The following BICD2 variants were observed in gnomAD, a reference collection of about 807,000 sequenced individuals.
BICD2 encodes protein bicaudal D homolog 2.
A neutral mutation model predicts 72.9 loss-of-function variants in BICD2; 25 were observed. The ratio of observed to expected loss-of-function variants is 0.34; its 90% CI spans 0.25 to 0.48. The LOEUF (loss-of-function observed/expected upper bound fraction) is 0.48. BICD2 is among the 20% of genes least tolerant of loss of function. The probability of loss-of-function intolerance (pLI) is 0.99; values close to 1 mark genes in which losing one functional copy is unlikely to be tolerated. For missense variants in BICD2, 894 were observed against 1,175.2 expected (o/e 0.76, Z 3.50); for synonymous variants, 501 against 516.1 (o/e 0.97, Z 0.40).
Position 92,764,481 on chromosome 9 carries a change from G to T in BICD2, c.240+24C>A, listed in dbSNP as rs1456001301. 1 of 1,468,806 alleles carries T rather than the reference G, an allele frequency of 6.8e-7. No homozygotes were observed. The highest frequency in any genetic ancestry group is 1.3e-5 in the South Asian group (1 of 77,380). 91.0% of individuals were successfully genotyped at this position (1,468,806 alleles called of 1,614,324 possible). The stretch of plus-strand genomic sequence containing the variant: ...CAGGCCCCGGCGCCGGGCGGGGGTC[G>T]CAGGGCAGGGCGGCTCGGCTCACCT... On this transcript the variant is annotated intron_variant, in intron 1 of 6. Transcript: ENST00000356884. This position sits in a 1 kb window ranked among gnomAD's most constrained non-coding sequence, Gnocchi z 5.5.
At chr9:92,717,970 T>C (rs780658966) in intron 5 of BICD2, 22 bp from the exon 6 acceptor site, 4 of 1,607,424 alleles carry the variant, frequency 2.5e-6, no homozygotes, top group African/African-American at 2.7e-5. Context: ...ATGTGTAGGG[T>C]GGAAAAGTGA....
intron 1 of BICD2, among the ~76,000 whole-genome samples, chr9:92,756,550 T>C (rs1854261931): frequency 7.0e-6 from 1 of 142,586 alleles, no homozygotes. Context: ...CGTGAGCCAC[T>C]GCGCCCGGCC....
At chr9:92,751,390 C>G (rs974648661) in intron 1 of BICD2, among the ~76,000 whole-genome samples, 11 of 152,120 alleles carry the variant, frequency 7.2e-5, no homozygotes, top group African/African-American at 2.7e-4. Flanking sequence ...GTGATCTATC[C>G]TCCTTGGCCT....
intron 2 of BICD2, among the ~76,000 whole-genome samples, chr9:92,728,610 C>G (rs928878083): frequency 2.6e-5 from 4 of 152,242 alleles, no homozygotes; most frequent in Admixed American, 2.0e-4. Flanking sequence ...GTTCTTATTA[C>G]AGCTGGGCAC....
Position 92,729,005 on chromosome 9 carries a change from C to CCCCT in BICD2, c.453+15_453+18dup, listed in dbSNP as rs1853624433. 2 of 1,611,036 alleles carry CCCCT rather than the reference C, an allele frequency of 1.2e-6. No homozygotes were observed. Among genetic ancestry groups the CCCCT allele is most frequent in the Non-Finnish European group, 1.7e-6 (2 of 1,178,402 alleles). Reference sequence around the variant, plus strand: ...GGCACTGCTGCAGCCACAGACTAGGCCCCTCCTCACCCCCTCACCTCCTTC... The same window carrying CCCCT: ...GGCACTGCTGCAGCCACAGACTAGGCCCCTCCCTCCTCACCCCCTCACCTCCTTC... On this transcript the variant is annotated intron_variant, in intron 2 of 6. Coordinates refer to ENST00000356884, the MANE Select transcript of BICD2 (RefSeq NM_001003800.2).
At chr9:92,749,584 G>C (rs1050202859) in intron 1 of BICD2, among the ~76,000 whole-genome samples, 2 of 152,206 alleles carry the variant, frequency 1.3e-5, no homozygotes, top group African/African-American at 4.8e-5. Context: ...ACGTCCAAAT[G>C]CTAAGCTGCT....
rs757247225 is a variant in BICD2, at chr9:92,717,955, G to A, written c.2107-7C>T. 1.2e-6 allele frequency: 2 copies of A among 1,612,498 alleles called. No homozygotes were observed. The highest frequency in any genetic ancestry group is 2.2e-5 in the South Asian group (2 of 90,912). On this transcript the variant is annotated splice_polypyrimidine_tract_variant and splice_region_variant and intron_variant, in intron 5 of 6. Transcript: ENST00000356884. ...CAAGGGCCACCTCGGCCGTCTGGGG[G>A]ACAGATGTGTAGGGTGGAAAAGTGA...
chr9:92,748,422 T>A (rs1854061354), intron 1 of BICD2, among the ~76,000 whole-genome samples: 1 of 152,150 alleles, frequency 6.6e-6, no homozygotes, highest in Admixed American at 6.5e-5. Flanking sequence ...TGAGACTGAT[T>A]TAATAGGTCT....
intron 1 of BICD2, among the ~76,000 whole-genome samples, chr9:92,735,321 G>T (rs536779140): frequency 1.3e-5 from 2 of 152,220 alleles, no homozygotes; most frequent in Non-Finnish European, 1.5e-5. Flanking sequence ...GCATGGCCTC[G>T]GGACAGGCTG....
At chr9:92,726,994 C>T (rs539510712) in intron 2 of BICD2, among the ~76,000 whole-genome samples, 33 of 152,286 alleles carry the variant, frequency 2.2e-4, no homozygotes, top group African/African-American at 7.2e-4. Context: ...CAGGAATAGA[C>T]GGGCCAGACA....
chr9:92,729,965 C>T (rs1853646394), intron 1 of BICD2, among the ~76,000 whole-genome samples: 1 of 152,226 alleles, frequency 6.6e-6, no homozygotes, highest in Non-Finnish European at 1.5e-5. Flanking sequence ...CCCACCTGCC[C>T]ACGCACCTGA....
At chr9:92,754,579 T>A in intron 1 of BICD2, among the ~76,000 whole-genome samples, 1 of 152,216 alleles carries the variant, frequency 6.6e-6, no homozygotes, top group Non-Finnish European at 1.5e-5. Context: ...TGCCATTATC[T>A]GTTATGGGAA....
intron 2 of BICD2, among the ~76,000 whole-genome samples, chr9:92,728,562 A>G (rs1587675183): frequency 6.6e-6 from 1 of 151,946 alleles, no homozygotes. Context: ...AGACACGCAC[A>G]CCCTACCTCG....
Position 92,718,986 on chromosome 9 carries a change from C to T in BICD2, c.1659G>A (p.Met553Ile), listed in dbSNP as rs374912668. The T allele has an allele frequency of 1.6e-5, 25 of 1,611,270 alleles. No homozygotes were observed. The highest frequency in any genetic ancestry group is 2.1e-5 in the Non-Finnish European group (25 of 1,179,946). Residue 553 changes from methionine (M) to isoleucine (I), a missense_variant, in exon 5 of 7, where the codon ATG (methionine) becomes ATA (isoleucine). Physicochemically the swap from Met to Ile is conservative, Grantham distance 10 (BLOSUM62 1). Transcript: ENST00000356884. ...MCNNETPNRV[M>I]LDYYREGQGG... ...CCTGGCCCTCGCGGTAGTAGTCCAGCATGACACGGTTGGGTGTCTCATTGT... is the reference window on the plus strand; with the variant it reads ...CCTGGCCCTCGCGGTAGTAGTCCAGTATGACACGGTTGGGTGTCTCATTGT...
At chr9:92,753,752 G>A (rs1446445625) in intron 1 of BICD2, among the ~76,000 whole-genome samples, 1 of 151,630 alleles carries the variant, frequency 6.6e-6, no homozygotes, top group Non-Finnish European at 1.5e-5. Context: ...TGTTAGCCAG[G>A]ATGGTCTCGA....
intron 1 of BICD2, among the ~76,000 whole-genome samples, chr9:92,741,666 T>G (rs1853899601): frequency 6.6e-6 from 1 of 152,112 alleles, no homozygotes; most frequent in South Asian, 2.1e-4. Context: ...ACATAACAAA[T>G]AATGGAATGC....
chr9:92,749,246 A>G (rs146353774), intron 1 of BICD2, among the ~76,000 whole-genome samples: 33 of 152,282 alleles, frequency 2.2e-4, no homozygotes, highest in Non-Finnish European at 3.7e-4. Context: ...CTGCCAGCCT[A>G]TATCTATCAA....
At position 92,719,640 on chromosome 9, in the gene BICD2, G is replaced by A. The variant is rs1853418050; in HGVS notation, c.1063-58C>T. The A allele has an allele frequency of 6.7e-6, 10 of 1,487,672 alleles. No individual in the cohort carries two copies. The South Asian group carries it at 1.3e-4, about 20-fold the overall frequency. 92.2% of individuals were successfully genotyped at this position (1,487,672 alleles called of 1,614,324 possible). A position where few individuals can be genotyped will look rare whatever the true frequency, so the allele number is the denominator to read the frequency against. ...AGTTGCTATGGACCCCGAGAGCTTG[G>A]AGGACCCCCAAGATGGCCTAGTGAC... On this transcript the variant is annotated intron_variant, in intron 4 of 6. Coordinates refer to ENST00000356884, the MANE Select transcript of BICD2 (RefSeq NM_001003800.2).
At position 92,722,160 on chromosome 9, in the gene BICD2, C is replaced by T. The variant is rs1164993917; in HGVS notation, c.606+496G>A. Among the ~76,000 whole-genome samples the T allele has an allele frequency of 2.0e-5, 3 of 152,202 alleles. No homozygotes were observed. The East Asian group carries it at 5.8e-4, about 29-fold the overall frequency. The stretch of plus-strand genomic sequence containing the variant: ...TCACATCACAAAGAGAAGGGACCCT[C>T]CTTATTCATCTCTGTCACAGGCAGA... On this transcript the variant is annotated intron_variant, in intron 3 of 6. Coordinates refer to ENST00000356884, the MANE Select transcript of BICD2 (RefSeq NM_001003800.2).
Sources: gnomAD v4.1 joint callset for allele counts (sites outside exome capture counted in the v4.1 genomes callset) on GRCh38, gnomAD v4.1.1 for gene constraint, Gnocchi (gnomAD v3.1) non-coding constraint, MANE v1.5 for transcripts, NCBI Gene and HGNC (gene_info 2026-07-23, HGNC 2026-07-21) for gene names.